Variants in ACTR3C observed in about 807,000 individuals in gnomAD.
The protein encoded by ACTR3C is actin-related protein 3C.
ACTR3C carries 18 observed loss-of-function variants against 26.3 expected under a neutral mutation model. The ratio of observed to expected loss-of-function variants is 0.68; its 90% CI spans 0.47 to 1.01. ACTR3C has a LOEUF of 1.01. ACTR3C is among the 50% of genes least tolerant of loss of function. The probability of loss-of-function intolerance (pLI) is 0.00; values close to 1 mark genes in which losing one functional copy is unlikely to be tolerated. For synonymous variants in ACTR3C, 55 were observed against 94.5 expected, an observed-to-expected ratio of 0.58 and a Z score of 2.42; for missense variants, 184 against 250.7, an observed-to-expected ratio of 0.73 and a Z score of 1.80.
chr7:150,040,285 C>T, the ACTR3C span, among the ~76,000 whole-genome samples: 2 of 147,500 alleles, frequency 1.4e-5, no homozygotes, highest in Non-Finnish European at 3.0e-5. Flanking sequence ...TCAGCCAGGG[C>T]CCCACAGTTT....
At chr7:150,095,838 A>G in the ACTR3C span, among the ~76,000 whole-genome samples, 1 of 150,742 alleles carries the variant, frequency 6.6e-6, no homozygotes, top group East Asian at 1.9e-4. Context: ...ATCTATGAGA[A>G]AGCAAAATTG....
chr7:150,065,948 C>T, the ACTR3C span, among the ~76,000 whole-genome samples: 3 of 151,288 alleles, frequency 2.0e-5, no homozygotes, highest in Non-Finnish European at 4.4e-5. Context: ...TCACATACTC[C>T]CATGCAGTGA....
intron 6 of ACTR3C, among the ~76,000 whole-genome samples, chr7:150,268,074 T>C (rs968833387): frequency 6.6e-6 from 1 of 152,096 alleles, no homozygotes; most frequent in Non-Finnish European, 1.5e-5. Context: ...ATGGCCTTGC[T>C]GAAAAGGTGG....
At chr7:150,171,998 G>T in the ACTR3C span, among the ~76,000 whole-genome samples, 8 of 150,752 alleles carry the variant, frequency 5.3e-5, no homozygotes, top group Middle Eastern at 3.4e-3. Flanking sequence ...TTTTAGTAGA[G>T]ACGGGGTTGC....
At chr7:150,220,694 T>C in the ACTR3C span, among the ~76,000 whole-genome samples, 1 of 152,234 alleles carries the variant, frequency 6.6e-6, no homozygotes, top group Non-Finnish European at 1.5e-5. Context: ...ACTAGGCTCT[T>C]TCCTGCGCAA....
chr7:149,942,744 T>C, the ACTR3C span, among the ~76,000 whole-genome samples: 1 of 149,602 alleles, frequency 6.7e-6, no homozygotes, highest in Non-Finnish European at 1.5e-5. Flanking sequence ...AAGGAATAGT[T>C]CCCCTAGACC....
At chr7:150,122,622 G>T in the ACTR3C span, among the ~76,000 whole-genome samples, 1 of 152,162 alleles carries the variant, frequency 6.6e-6, no homozygotes, top group Non-Finnish European at 1.5e-5. Flanking sequence ...AAATAAGAAC[G>T]CTTTTACACT....
the ACTR3C span, among the ~76,000 whole-genome samples, chr7:150,057,292 T>G: frequency 6.7e-6 from 1 of 150,346 alleles, no homozygotes; most frequent in African/African-American, 2.4e-5. Context: ...TTTTTTTTTT[T>G]TTTTTGAGAT....
chr7:150,169,696 T>C, the ACTR3C span, among the ~76,000 whole-genome samples: 1 of 150,860 alleles, frequency 6.6e-6, no homozygotes, highest in African/African-American at 2.5e-5. Context: ...AAAGACACAA[T>C]TAAGTCATTG....
the ACTR3C span, among the ~76,000 whole-genome samples, chr7:149,903,228 T>C: frequency 1.4e-5 from 2 of 142,886 alleles, no homozygotes; most frequent in African/African-American, 2.5e-5. Context: ...ACTATTTTAA[T>C]AGAAGTTCTA....
chr7:149,956,440 C>A, the ACTR3C span, among the ~76,000 whole-genome samples: 1 of 152,038 alleles, frequency 6.6e-6, no homozygotes, highest in Non-Finnish European at 1.5e-5. Context: ...ACCCCAAAAC[C>A]AAAATGGATT....
chr7:149,890,906 C>G, the ACTR3C span: 1 of 194,898 alleles, frequency 5.1e-6, no homozygotes, highest in South Asian at 1.0e-4. Context: ...GGGGAACAAA[C>G]AGAAGAGCTC....
the ACTR3C span, among the ~76,000 whole-genome samples, chr7:149,986,504 G>A: frequency 6.6e-6 from 1 of 152,182 alleles, no homozygotes; most frequent in East Asian, 1.9e-4. Flanking sequence ...TTCAGTCATA[G>A]TGTTTTCTGT....
the ACTR3C span, among the ~76,000 whole-genome samples, chr7:149,892,785 G>A: frequency 7.9e-6 from 1 of 126,982 alleles, no homozygotes; most frequent in African/African-American, 2.7e-5. Flanking sequence ...CAGAAAAGGA[G>A]AGTAAACTGA....
chr7:150,047,247 C>A, the ACTR3C span, among the ~76,000 whole-genome samples: 1 of 152,064 alleles, frequency 6.6e-6, no homozygotes, highest in Non-Finnish European at 1.5e-5. Flanking sequence ...TAAACCAACT[C>A]GTAAGCACAG....
At chr7:150,140,026 G>T in the ACTR3C span, among the ~76,000 whole-genome samples, 2 of 148,574 alleles carry the variant, frequency 1.3e-5, no homozygotes, top group African/African-American at 5.1e-5. Flanking sequence ...GCACACACAC[G>T]TACACACATA....
the ACTR3C span, among the ~76,000 whole-genome samples, chr7:150,039,509 G>T: frequency 3.8e-5 from 1 of 26,238 alleles, no homozygotes; most frequent in African/African-American, 1.1e-4. Context: ...CCACTCTCGT[G>T]GGGGGTGCCT....
At chr7:150,194,081 T>A in the ACTR3C span, among the ~76,000 whole-genome samples, 3 of 149,400 alleles carry the variant, frequency 2.0e-5, no homozygotes, top group East Asian at 1.9e-4. Context: ...TTTAAAAAAA[T>A]TTTTGACTTC....
At chr7:150,204,512 A>C in the ACTR3C span, among the ~76,000 whole-genome samples, 2 of 151,314 alleles carry the variant, frequency 1.3e-5, no homozygotes, top group Non-Finnish European at 2.9e-5. Context: ...GTCTCCAAAG[A>C]AGCTCTCCAA....
Sources: allele counts gnomAD v4.1 joint callset (sites outside exome capture counted in the v4.1 genomes callset), GRCh38; gene constraint gnomAD v4.1.1; transcripts MANE v1.5; gene names NCBI Gene and HGNC (gene_info 2026-07-23, HGNC 2026-07-21).